The following ASIC2 variants were observed in gnomAD, a reference collection of about 807,000 sequenced individuals.
ASIC2 encodes the protein acid sensing ion channel subunit 2.
A neutral mutation model predicts 57.3 loss-of-function variants in ASIC2; 25 were observed. The ratio of observed to expected loss-of-function variants is 0.44; its 90% CI spans 0.32 to 0.61. The LOEUF is 0.61. ASIC2 is among the 20% of genes least tolerant of loss of function. The pLI is 0.06. For missense variants in ASIC2, 641 were observed against 738.1 expected (o/e 0.87, Z 1.52); for synonymous variants, 319 against 307.5 (o/e 1.04, Z -0.39).
chr17:33,054,370 G>A (rs1330265392), intron 3 of ASIC2, among the ~76,000 whole-genome samples: 1 of 152,108 alleles, frequency 6.6e-6, no homozygotes, highest in Non-Finnish European at 1.5e-5. Context: ...TTCCCTCCCT[G>A]GGCCTCAGTT....
At chr17:34,115,120 T>C (rs1911389777) in intron 1 of ASIC2, among the ~76,000 whole-genome samples, 1 of 152,174 alleles carries the variant, frequency 6.6e-6, no homozygotes, top group Admixed American at 6.5e-5. Flanking sequence ...TCTCATCTAA[T>C]TCTCTTGGGG....
At chr17:33,532,527 A>G (rs149877799) in intron 1 of ASIC2, among the ~76,000 whole-genome samples, 2 of 152,194 alleles carry the variant, frequency 1.3e-5, no homozygotes, top group African/African-American at 4.8e-5. Flanking sequence ...TCACCCACTG[A>G]CTCTTGGGAC....
chr17:34,070,932 T>G (rs900764513), intron 1 of ASIC2: 1 of 152,146 alleles, frequency 6.6e-6, no homozygotes. Flanking sequence ...GATGGATGAG[T>G]TGGGGATTCT....
chr17:33,217,873 C>T (rs1001892308), intron 1 of ASIC2, among the ~76,000 whole-genome samples: 2 of 152,206 alleles, frequency 1.3e-5, no homozygotes, highest in African/African-American at 2.4e-5. Context: ...AGCAGTGAGG[C>T]TCTCCCTCTG....
At chr17:34,087,905 A>C (rs1443972615) in intron 1 of ASIC2, among the ~76,000 whole-genome samples, 5 of 151,478 alleles carry the variant, frequency 3.3e-5, no homozygotes, top group Admixed American at 6.6e-5. Flanking sequence ...TCCTTTAATC[A>C]CTTCTCTGTA....
intron 1 of ASIC2, among the ~76,000 whole-genome samples, chr17:33,797,248 G>A (rs180762074): frequency 6.9e-4 from 105 of 152,296 alleles, no homozygotes; most frequent in African/African-American, 2.5e-3. Flanking sequence ...AGGTTAGAAA[G>A]AGACAGTAGG....
At chr17:33,742,647 T>C (rs1910145638) in intron 1 of ASIC2, among the ~76,000 whole-genome samples, 1 of 152,164 alleles carries the variant, frequency 6.6e-6, no homozygotes, top group Non-Finnish European at 1.5e-5. Context: ...TGACATCACA[T>C]GGAACACTCC....
chr17:33,140,674 C>T (rs2092383935), intron 1 of ASIC2, among the ~76,000 whole-genome samples: 1 of 152,194 alleles, frequency 6.6e-6, no homozygotes, highest in Non-Finnish European at 1.5e-5. Context: ...CCACAGGGGA[C>T]CTGATTTGGG....
intron 1 of ASIC2, among the ~76,000 whole-genome samples, chr17:34,092,184 C>T (rs566085213): frequency 3.3e-5 from 5 of 152,156 alleles, no homozygotes; most frequent in Admixed American, 6.5e-5. Flanking sequence ...AACCTTTTGG[C>T]TCCGGGGCCA....
intron 1 of ASIC2, among the ~76,000 whole-genome samples, chr17:34,133,147 T>C (rs12950879): frequency 0.026 from 4,035 of 152,354 alleles, 163 homozygotes; most frequent in African/African-American, 0.091. Context: ...GACTCTGGGA[T>C]TGATAAATAG....
chr17:33,372,926 CTT>C (rs914955183), intron 1 of ASIC2, among the ~76,000 whole-genome samples: 14 of 152,174 alleles, frequency 9.2e-5, no homozygotes, highest in Admixed American at 9.2e-4. Context: ...GGAGAGTTCT[CTT>C]TTCTCTCTCT....
intron 1 of ASIC2, among the ~76,000 whole-genome samples, chr17:33,254,359 A>AT (rs1908986062): frequency 6.6e-6 from 1 of 152,204 alleles, no homozygotes; most frequent in Admixed American, 6.5e-5. Flanking sequence ...CTCGGACATG[A>AT]TCATACCATC....
At chr17:33,839,808 C>A (rs34139298) in intron 1 of ASIC2, among the ~76,000 whole-genome samples, 22,982 of 152,134 alleles carry the variant, frequency 0.15, 1,963 homozygotes, top group Middle Eastern at 0.28. Context: ...GCAGCAGCAG[C>A]AGCAGCAATG....
intron 1 of ASIC2, among the ~76,000 whole-genome samples, chr17:33,169,808 C>T (rs147585822): frequency 6.6e-6 from 1 of 152,350 alleles, no homozygotes; most frequent in East Asian, 1.9e-4. Flanking sequence ...CTCTCACCCA[C>T]CTTCTGGTCT....
intron 1 of ASIC2, among the ~76,000 whole-genome samples, chr17:33,582,751 C>A (rs1003809797): frequency 4.6e-5 from 7 of 152,082 alleles, no homozygotes; most frequent in African/African-American, 1.7e-4. Context: ...TCTCCACACC[C>A]CACCCCCTCA....
chr17:34,122,849 A>G (rs897334762), intron 1 of ASIC2, among the ~76,000 whole-genome samples: 4 of 152,230 alleles, frequency 2.6e-5, no homozygotes, highest in East Asian at 1.9e-4. Flanking sequence ...TGACAAATCA[A>G]TATCTTTCTC....
At position 33,081,648 on chromosome 17, in the gene ASIC2, G is replaced by C. The variant is rs574566235; in HGVS notation, c.987+7215C>G. Among the ~76,000 whole-genome samples, 3 of 152,268 alleles carry C rather than the reference G, an allele frequency of 2.0e-5. No individual in the cohort carries two copies. In the South Asian group the frequency reaches 6.2e-4, roughly 32 times the overall value. ...GGACCATGGATCTGGCTGTCAGATTGACAAATGAGTCTTCCCTTTTGAAAG... is the reference window on the plus strand; with the variant it reads ...GGACCATGGATCTGGCTGTCAGATTCACAAATGAGTCTTCCCTTTTGAAAG... On this transcript the variant is annotated intron_variant, in intron 3 of 9. Coordinates refer to ENST00000225823, the MANE Select transcript of ASIC2 (RefSeq NM_183377.2).
At chr17:33,437,817 C>T (rs1453719334) in intron 1 of ASIC2, among the ~76,000 whole-genome samples, 1 of 152,060 alleles carries the variant, frequency 6.6e-6, no homozygotes, top group Non-Finnish European at 1.5e-5. Context: ...CAAAAAACTT[C>T]CAGATTTAAA....
chr17:33,014,715 TG>T (rs1189813327), intron 9 of ASIC2, among the ~76,000 whole-genome samples: 1 of 151,912 alleles, frequency 6.6e-6, no homozygotes, highest in African/African-American at 2.4e-5. Flanking sequence ...GCCAGGAATT[TG>T]GGGAAGATTT....
Sources: gnomAD v4.1 joint callset for allele counts (sites outside exome capture counted in the v4.1 genomes callset) on GRCh38, gnomAD v4.1.1 for gene constraint, MANE v1.5 for transcripts, NCBI Gene and HGNC (gene_info 2026-07-23, HGNC 2026-07-21) for gene names.